CFAP58: variants seen among roughly 807,000 people sequenced by gnomAD.
CFAP58 encodes the protein cilia and flagella associated protein 58.
A neutral mutation model predicts 119.5 loss-of-function variants in CFAP58; 88 were observed. That is an observed-to-expected ratio of 0.74 (90% confidence interval 0.62 to 0.88). The LOEUF (loss-of-function observed/expected upper bound fraction) is 0.88, where lower values mean the gene tolerates loss of function less well. Ranked by LOEUF, CFAP58 falls within the 40% of genes least tolerant of loss-of-function variation. The probability of loss-of-function intolerance (pLI) is 0.00; values close to 1 mark genes in which losing one functional copy is unlikely to be tolerated. For missense variants in CFAP58, 990 were observed against 1,021.2 expected, an observed-to-expected ratio of 0.97 and a Z score of 0.42; for synonymous variants, 365 against 366.3, an observed-to-expected ratio of 1.00 and a Z score of 0.04.
intron 12 of CFAP58, 34 bp downstream of exon 12, chr10:104,399,534 G>T: frequency 6.2e-7 from 1 of 1,606,046 alleles, no homozygotes; most frequent in Non-Finnish European, 8.5e-7. Flanking sequence ...TGCAGACCTT[G>T]TCAACAGACA....
In CFAP58 at chr10:104,381,369, A is replaced by G. The variant is rs556623133; in HGVS notation, c.1365+1149A>G. 1.4e-4 allele frequency among the ~76,000 whole-genome samples: 22 copies of G among 152,298 alleles called. No individual in the cohort carries two copies. In the South Asian group the frequency reaches 3.9e-3, roughly 27 times the overall value. ...TGCATTAAGCATGAGTGGTTAAAAT[A>G]GTACTCTCTTTAATGCATTCATAGA... On this transcript the variant is annotated intron_variant, in intron 9 of 17. Transcript: ENST00000369704.
At chr10:104,356,195 A>T (rs2014540537) in intron 1 of CFAP58, among the ~76,000 whole-genome samples, 1 of 152,220 alleles carries the variant, frequency 6.6e-6, no homozygotes, top group Non-Finnish European at 1.5e-5. Context: ...AATGCTATAG[A>T]TATGCTTGTG....
chr10:104,374,846 CAAAA>C (rs56074829), intron 7 of CFAP58, among the ~76,000 whole-genome samples: 1 of 101,512 alleles, frequency 9.9e-6, no homozygotes, highest in African/African-American at 3.8e-5. Flanking sequence ...CTTATAACTG[CAAAA>C]AAAAAAAAAA....
At chr10:104,397,745 C>A (rs1248258514) in intron 11 of CFAP58, among the ~76,000 whole-genome samples, 1 of 152,202 alleles carries the variant, frequency 6.6e-6, no homozygotes, top group African/African-American at 2.4e-5. Flanking sequence ...GAAAGCAGAG[C>A]TCTTCCTCCA....
At chr10:104,402,766 A>T (rs923243842) in intron 13 of CFAP58, among the ~76,000 whole-genome samples, 17 of 152,164 alleles carry the variant, frequency 1.1e-4, no homozygotes, top group African/African-American at 4.1e-4. Flanking sequence ...CTCAATCCGG[A>T]CTGCATGTGA....
chr10:104,368,239 C>T (rs1256829146), intron 5 of CFAP58, among the ~76,000 whole-genome samples, 184 bp from the exon 6 acceptor site: 5 of 152,198 alleles, frequency 3.3e-5, no homozygotes, highest in Non-Finnish European at 7.3e-5. Context: ...TTTCCTCAAC[C>T]GTTTAACATT....
At chr10:104,369,239 A>C (rs948378164) in intron 6 of CFAP58, among the ~76,000 whole-genome samples, 1 of 152,232 alleles carries the variant, frequency 6.6e-6, no homozygotes, top group African/African-American at 2.4e-5. Flanking sequence ...TAGCAAGAAT[A>C]ATACATAGAT....
intron 9 of CFAP58, chr10:104,382,275 C>A (rs1345953198): frequency 1.4e-6 from 1 of 702,214 alleles, no homozygotes; most frequent in Non-Finnish European, 2.7e-6. Context: ...CAGGGCTGTG[C>A]CGGACATCCT....
At chr10:104,350,969 G>A (rs914807035), upstream of CFAP58, among the ~76,000 whole-genome samples, 3 of 152,216 alleles carry the variant, frequency 2.0e-5, no homozygotes, top group South Asian at 4.1e-4. Context: ...TCAGTGCAAC[G>A]TATGGGTGAC....
chr10:104,358,396 A>T lies in CFAP58; in HGVS notation c.65A>T (p.Asp22Val). Residue 22 changes from aspartate to valine, a missense_variant, in exon 2 of 18, where the codon GAT (aspartate) becomes GTT (valine). Physicochemically the swap from Asp to Val is radical, Grantham distance 152. Coordinates refer to ENST00000369704, the MANE Select transcript of CFAP58 (RefSeq NM_001008723.2). ...EESAFEEMER[D>V]FQGVLHELSG... is the part of the protein sequence containing the mutation. ...TCTGCATTTGAAGAAATGGAAAGAG[A>T]TTTTCAGGGAGTTCTCCATGAACTT... 6.2e-7 allele frequency: 1 copy of T among 1,613,972 alleles called. No homozygotes were observed. Among genetic ancestry groups the T allele is most frequent in the East Asian group, 2.2e-5 (1 of 44,878 alleles).
Position 104,368,510 on chromosome 10 carries a change from G to A in CFAP58, c.880G>A (p.Val294Ile), listed in dbSNP as rs2014781242. The change falls in exon 6 of 18, where the codon GTC becomes ATC. Residue 294 changes from valine to isoleucine, a missense_variant. By Grantham distance (29) the Val-to-Ile change is conservative. Transcript: ENST00000369704. ...LQQENEQHSL[V>I]CEQLSQENQQ... ...GCAAGAGAATGAACAGCACAGTTTGGTCTGTGAGCAGCTATCCCAGGAAAA... is the reference window on the plus strand; with the variant it reads ...GCAAGAGAATGAACAGCACAGTTTGATCTGTGAGCAGCTATCCCAGGAAAA... The A allele has an allele frequency of 1.2e-6, 2 of 1,614,002 alleles. No individual in the cohort carries two copies. Among genetic ancestry groups the A allele is most frequent in the Middle Eastern group, 1.7e-4 (1 of 6,060 alleles).
intron 9 of CFAP58, among the ~76,000 whole-genome samples, chr10:104,381,102 G>A (rs1178723645): frequency 1.3e-5 from 2 of 152,108 alleles, no homozygotes; most frequent in Non-Finnish European, 2.9e-5. Context: ...GTGAGCTGTG[G>A]TTGCAGCACT....
At chr10:104,413,801 A>G (rs1311303166) in intron 15 of CFAP58, among the ~76,000 whole-genome samples, 1 of 152,202 alleles carries the variant, frequency 6.6e-6, no homozygotes, top group Non-Finnish European at 1.5e-5. Context: ...TGGCATCATC[A>G]TCATCATCAA....
In CFAP58 at chr10:104,380,060, A is replaced by G. The variant is rs762790853; in HGVS notation, c.1205A>G (p.Lys402Arg). The stretch of plus-strand genomic sequence containing the variant: ...CTTAAGGCGGTCAATGCGACCCAGA[A>G]GCAGACAGACTTGGTAAAGCTCCAT... ...NMLKAVNATQ[K>R]QTDLVKLHEQ... is the part of the protein sequence containing the mutation. The change falls in exon 9 of 18, where the codon AAG (lysine) becomes AGG (arginine). Residue 402 changes from lysine to arginine, a missense_variant. Transcript: ENST00000369704. The G allele has an allele frequency of 8.1e-5, 130 of 1,614,018 alleles. No homozygotes were observed. Among genetic ancestry groups the G allele is most frequent in the South Asian group, 5.8e-4 (53 of 91,080 alleles).
intron 15 of CFAP58, among the ~76,000 whole-genome samples, chr10:104,420,099 A>C (rs1023849289): frequency 6.7e-6 from 1 of 149,926 alleles, no homozygotes; most frequent in Non-Finnish European, 1.5e-5. Flanking sequence ...TTAAGGGAGC[A>C]GACTTTTAAT....
chr10:104,359,524 C>T (rs1324496877), intron 2 of CFAP58, among the ~76,000 whole-genome samples: 5 of 152,142 alleles, frequency 3.3e-5, no homozygotes, highest in African/African-American at 9.7e-5. Context: ...GATAAAGGGC[C>T]GGTTGTGGTG....
intron 17 of CFAP58, 133 bp downstream of exon 17, chr10:104,450,337 C>T (rs1226915595): frequency 1.1e-6 from 1 of 915,618 alleles, no homozygotes; most frequent in Admixed American, 2.3e-5. Flanking sequence ...TGACATTCTA[C>T]AGGTCACTAA....
At chr10:104,342,749 G>A in the CFAP58 span, among the ~76,000 whole-genome samples, 2 of 150,754 alleles carry the variant, frequency 1.3e-5, no homozygotes, top group African/African-American at 2.4e-5. Context: ...GGAGGCTGAG[G>A]CACGAGAATC....
At chr10:104,429,453 G>T (rs949455809) in intron 15 of CFAP58, among the ~76,000 whole-genome samples, 1 of 152,162 alleles carries the variant, frequency 6.6e-6, no homozygotes, top group African/African-American at 2.4e-5. Flanking sequence ...TAATATGTCA[G>T]CCAGATAAAG....
Sources: gnomAD v4.1 joint callset for allele counts (sites outside exome capture counted in the v4.1 genomes callset) on GRCh38, gnomAD v4.1.1 for gene constraint, MANE v1.5 for transcripts, NCBI Gene and HGNC (gene_info 2026-07-23, HGNC 2026-07-21) for gene names.